Variants in ATRNL1 observed in about 807,000 individuals in gnomAD.
ATRNL1 encodes the protein attractin-like protein 1.
ATRNL1 carries 95 observed loss-of-function variants against 182.7 expected under a neutral mutation model. That is an observed-to-expected ratio of 0.52 (90% confidence interval 0.44 to 0.62). The LOEUF is 0.62. ATRNL1 is among the 20% of genes least tolerant of loss of function. The probability of loss-of-function intolerance (pLI) is 0.00; values close to 1 mark genes in which losing one functional copy is unlikely to be tolerated. For missense variants in ATRNL1, 1,471 were observed against 1,679.5 expected, an observed-to-expected ratio of 0.88 and a Z score of 2.17; for synonymous variants, 576 against 568.3, an observed-to-expected ratio of 1.01 and a Z score of -0.19.
intron 26 of ATRNL1, among the ~76,000 whole-genome samples, chr10:115,700,504 A>G (rs937475675): frequency 2.6e-5 from 4 of 152,040 alleles, no homozygotes; most frequent in African/African-American, 7.2e-5. Context: ...TCTTTTGAGA[A>G]GTGTCTGTTC....
intron 27 of ATRNL1, among the ~76,000 whole-genome samples, chr10:115,819,169 TGATGCCAGTTCTCTG>T (rs529530396): frequency 6.6e-6 from 1 of 152,218 alleles, no homozygotes; most frequent in Admixed American, 6.5e-5. Flanking sequence ...CATATGCCTG[TGATGCCAGTTCTCTG>T]GATCTGCAAG....
chr10:115,885,098 T>C (rs1951911891), intron 28 of ATRNL1, among the ~76,000 whole-genome samples: 1 of 152,234 alleles, frequency 6.6e-6, no homozygotes. Context: ...CTTTGTGCAC[T>C]CACTATTGTA....
chr10:115,369,723 C>A (rs1037662981), intron 19 of ATRNL1, among the ~76,000 whole-genome samples: 2 of 152,052 alleles, frequency 1.3e-5, no homozygotes, highest in Non-Finnish European at 2.9e-5. Context: ...TTTTCCACAT[C>A]CTCTCTAACT....
intron 19 of ATRNL1, among the ~76,000 whole-genome samples, chr10:115,350,336 A>AAAAAC (rs1856180999): frequency 1.2e-5 from 1 of 80,070 alleles, no homozygotes; most frequent in Non-Finnish European, 2.9e-5. Context: ...CTCTGTCTCA[A>AAAAAC]AAAAAAAAAG....
At chr10:115,162,577 T>A (rs1237212821) in intron 6 of ATRNL1, among the ~76,000 whole-genome samples, 3 of 151,606 alleles carry the variant, frequency 2.0e-5, no homozygotes, top group African/African-American at 7.3e-5. Context: ...GAGCATGTGT[T>A]GATCCATATT....
At chr10:115,894,271 T>C (rs1952151861) in intron 28 of ATRNL1, among the ~76,000 whole-genome samples, 1 of 152,250 alleles carries the variant, frequency 6.6e-6, no homozygotes, top group Non-Finnish European at 1.5e-5. Context: ...AATTAATGAC[T>C]GCAGCCGAAT....
At chr10:115,777,895 A>G (rs1316314072) in intron 27 of ATRNL1, among the ~76,000 whole-genome samples, 1 of 152,250 alleles carries the variant, frequency 6.6e-6, no homozygotes, top group Non-Finnish European at 1.5e-5. Context: ...AGAGTTCAGA[A>G]GATGAAAAAA....
intron 19 of ATRNL1, among the ~76,000 whole-genome samples, chr10:115,343,084 A>G (rs1353403781): frequency 6.6e-6 from 1 of 151,980 alleles, no homozygotes; most frequent in Non-Finnish European, 1.5e-5. Flanking sequence ...ATTGATTACT[A>G]AATGCCTTGA....
chr10:115,804,515 A>G (rs894998347), intron 27 of ATRNL1, among the ~76,000 whole-genome samples: 17 of 152,278 alleles, frequency 1.1e-4, no homozygotes, highest in South Asian at 4.1e-4. Context: ...AGCCATGTGC[A>G]AAGTAGGATG....
At chr10:115,456,230 C>T (rs975019627) in intron 21 of ATRNL1, among the ~76,000 whole-genome samples, 4 of 152,164 alleles carry the variant, frequency 2.6e-5, no homozygotes, top group Non-Finnish European at 5.9e-5. Context: ...GGCTTGGAAC[C>T]AACCCAAATT....
intron 28 of ATRNL1, among the ~76,000 whole-genome samples, chr10:115,850,238 A>G (rs1419067238): frequency 2.6e-5 from 4 of 152,196 alleles, no homozygotes; most frequent in Non-Finnish European, 5.9e-5. Context: ...GATATTCATT[A>G]TAAAATTCTT....
At chr10:115,660,866 T>C (rs1860640323) in intron 26 of ATRNL1, among the ~76,000 whole-genome samples, 1 of 152,194 alleles carries the variant, frequency 6.6e-6, no homozygotes, top group African/African-American at 2.4e-5. Context: ...AGTACACATA[T>C]GAATATGTAG....
chr10:115,483,247 T>A (rs1848854848), intron 24 of ATRNL1, among the ~76,000 whole-genome samples: 1 of 151,394 alleles, frequency 6.6e-6, no homozygotes, highest in South Asian at 2.1e-4. Context: ...CAATAGTTTA[T>A]ATAATGAAAG....
At chr10:115,838,369 A>G (rs776124278) in intron 27 of ATRNL1, among the ~76,000 whole-genome samples, 13 of 152,192 alleles carry the variant, frequency 8.5e-5, no homozygotes, top group Non-Finnish European at 1.6e-4. Context: ...TTTGAATGTT[A>G]CTGACAGGTC....
intron 10 of ATRNL1, among the ~76,000 whole-genome samples, chr10:115,257,841 G>C (rs1592336003): frequency 6.6e-6 from 1 of 152,250 alleles, no homozygotes; most frequent in African/African-American, 2.4e-5. Context: ...TGTCTGTAAA[G>C]GATTTTATTT....
chr10:115,653,671 G>C lies in ATRNL1; in HGVS notation c.3796-73577G>C, dbSNP rs1018657555. On this transcript the variant is annotated intron_variant, in intron 26 of 28. Coordinates refer to ENST00000355044, the MANE Select transcript of ATRNL1 (RefSeq NM_207303.4). ...AGTATTTTCTCTGTGTTCTCTAGCA[G>C]CCTGTGTTTACCTCTGTGATGGTCA... Among the ~76,000 whole-genome samples the C allele has an allele frequency of 1.6e-4, 24 of 152,210 alleles. No homozygotes were observed. In the South Asian group the frequency reaches 4.4e-3, roughly 28 times the overall value.
chr10:115,660,382 C>T (rs1555037385), intron 26 of ATRNL1, among the ~76,000 whole-genome samples: 1 of 152,018 alleles, frequency 6.6e-6, no homozygotes, highest in African/African-American at 2.4e-5. Flanking sequence ...ACCATGAAGG[C>T]AGCAATAGAT....
intron 26 of ATRNL1, among the ~76,000 whole-genome samples, chr10:115,668,194 G>A (rs1159890899): frequency 6.6e-6 from 1 of 152,014 alleles, no homozygotes; most frequent in African/African-American, 2.4e-5. Context: ...AAGCTTAGGG[G>A]TGGTGTGACT....
intron 26 of ATRNL1, among the ~76,000 whole-genome samples, chr10:115,609,860 G>T (rs891363363): frequency 3.3e-5 from 5 of 152,158 alleles, no homozygotes; most frequent in Non-Finnish European, 7.3e-5. Context: ...AAGGAGGATA[G>T]ATTTGTTCTT....
Sources: allele counts gnomAD v4.1 joint callset (sites outside exome capture counted in the v4.1 genomes callset), GRCh38; gene constraint gnomAD v4.1.1; transcripts MANE v1.5; gene names NCBI Gene and HGNC (gene_info 2026-07-23, HGNC 2026-07-21).